The following HBE1 variants were observed in gnomAD, a reference collection of about 807,000 sequenced individuals.
HBE1 encodes the protein hemoglobin subunit epsilon 1.
HBE1 carries 10 observed loss-of-function variants against 12.1 expected under a neutral mutation model. The ratio of observed to expected loss-of-function variants is 0.83; its 90% CI spans 0.51 to 1.40. The LOEUF is 1.40. Ranked by LOEUF, HBE1 falls within the 40% of genes most tolerant of loss-of-function variation. The pLI, the probability that HBE1 is intolerant of heterozygous loss-of-function variation, is 0.00. For synonymous variants in HBE1, 78 were observed against 70.4 expected (o/e 1.11, Z -0.54); for missense variants, 172 against 175.8 (o/e 0.98, Z 0.12).
chr11:5,269,391 A>G (rs1589914995), intron 2 of HBE1, 63 bp downstream of exon 2: 1 of 1,130,116 alleles, frequency 8.8e-7, no homozygotes, highest in African/African-American at 1.5e-5. Context: ...CAATAAGATT[A>G]TGAGCTTCAA....
chr11:5,268,811 A>G (rs1428561424), intron 2 of HBE1, among the ~76,000 whole-genome samples: 3 of 152,060 alleles, frequency 2.0e-5, no homozygotes, highest in African/African-American at 4.8e-5. Flanking sequence ...TCAACATTCT[A>G]CCTACCTACA....
Position 5,268,412 on chromosome 11 carries a change from C to A in HBE1, c.*57G>T, listed in dbSNP as rs1848157007. ...TTTCTCTCAAGGCCAAGCCCAGTCC[C>A]CATGTGCAGAAGGAGGGTGTCAGGG... is the stretch of plus-strand genomic sequence containing the variant. On this transcript the variant is annotated 3_prime_UTR_variant, in exon 3 of 3. Transcript: ENST00000396895. The A allele has an allele frequency of 1.3e-6, 2 of 1,541,304 alleles. No individual in the cohort carries two copies. The highest frequency in any genetic ancestry group is 2.7e-5 in the African/African-American group (2 of 73,436).
chr11:5,269,807 G>A lies in HBE1; in HGVS notation c.84C>T (p.Ala28=). The A allele has an allele frequency of 6.2e-7, 1 of 1,612,412 alleles. No individual in the cohort carries two copies. Among genetic ancestry groups the A allele is most frequent in the South Asian group, 1.1e-5 (1 of 91,048 alleles). Residue 28 remains alanine (A), a synonymous_variant, in exon 1 of 3, where the codon GCC becomes GCT. Transcript: ENST00000396895. The part of the protein sequence containing the change: ...KMNVEEAGGE[A]LGRLLVVYPW... ...TGAGAACCAATGCTTACCTGCCCAA[G>A]GCTTCACCTCCAGCCTCTTCCACAT...
chr11:5,269,692 A>G lies in HBE1; in HGVS notation c.93-16T>C. On this transcript the variant is annotated splice_polypyrimidine_tract_variant and intron_variant, in intron 1 of 2. Transcript: ENST00000396895. ...AACGAGGAGTCTATGAAATGACACC[A>G]TATCAGATACAAAATTAGAGATGCA... 2 of 1,596,030 alleles carry G rather than the reference A, an allele frequency of 1.3e-6. No homozygotes were observed. Among genetic ancestry groups the G allele is most frequent in the Non-Finnish European group, 1.7e-6 (2 of 1,164,064 alleles).
chr11:5,268,355 C>A lies in HBE1; in HGVS notation c.*114G>T. ...AAGATAAAATTGCAATTTTTGATTA[C>A]TGAAGAAAATGTACTTTATTAAACA... is the stretch of plus-strand genomic sequence containing the variant. On this transcript the variant is annotated 3_prime_UTR_variant, in exon 3 of 3. Transcript: ENST00000396895. 1.1e-6 allele frequency: 1 copy of A among 950,964 alleles called. No individual in the cohort carries two copies. The highest frequency in any genetic ancestry group is 1.5e-6 in the Non-Finnish European group (1 of 648,854). The allele number at this position is 950,964 out of a possible 1,614,324, so 58.9% of individuals were successfully genotyped here.
chr11:5,269,315 C>T (rs1564890354), intron 2 of HBE1, 139 bp downstream of exon 2: 2 of 719,552 alleles, frequency 2.8e-6, no homozygotes, highest in Admixed American at 2.0e-5. Context: ...TGGTTATGCT[C>T]ACTAGAAGTC....
Position 5,269,367 on chromosome 11 carries a change from TTTG to T in HBE1, c.315+84_315+86del. The T allele has an allele frequency of 6.1e-6, 6 of 984,502 alleles. No individual in the cohort carries two copies. In the South Asian group the frequency reaches 7.7e-5, roughly 13 times the overall value. The allele number at this position is 984,502 out of a possible 1,614,324, so 61.0% of individuals were successfully genotyped here. ...AGCTCGACCCATGATTTCTGAGATC[TTTG>T]TTGGTCTTTCCAATAAGATTATGAG... On this transcript the variant is annotated intron_variant, in intron 2 of 2. Coordinates refer to ENST00000396895, the MANE Select transcript of HBE1 (RefSeq NM_005330.4).
Position 5,268,501 on chromosome 11 carries a change from C to T in HBE1, c.412G>A (p.Val138Ile). 6.2e-7 allele frequency: 1 copy of T among 1,613,896 alleles called. No individual in the cohort carries two copies. The highest frequency in any genetic ancestry group is 8.5e-7 in the Non-Finnish European group (1 of 1,179,828). ...QAAWQKLVSAVAIALAHKYH is the reference protein window; with the variant it reads ...QAAWQKLVSAIAIALAHKYH ...TACTTATGGGCCAGGGCAATGGCGACAGCAGACACCAGCTTCTGCCAGGCA... is the reference window on the plus strand; with the variant it reads ...TACTTATGGGCCAGGGCAATGGCGATAGCAGACACCAGCTTCTGCCAGGCA... Residue 138 changes from valine (V) to isoleucine (I), a missense_variant, in exon 3 of 3, where the codon GTC becomes ATC. Coordinates refer to ENST00000396895, the MANE Select transcript of HBE1 (RefSeq NM_005330.4).
chr11:5,268,429 G>T lies in HBE1; in HGVS notation c.*40C>A. The T allele has an allele frequency of 6.3e-7, 1 of 1,593,710 alleles. No homozygotes were observed. Among genetic ancestry groups the T allele is most frequent in the East Asian group, 2.2e-5 (1 of 44,540 alleles). ...CCCAGTCCCCATGTGCAGAAGGAGG[G>T]TGTCAGGGTCACAGGAACACCTGCA... On this transcript the variant is annotated 3_prime_UTR_variant, in exon 3 of 3. Coordinates refer to ENST00000396895, the MANE Select transcript of HBE1 (RefSeq NM_005330.4).
chr11:5,269,132 T>G (rs1300441970), intron 2 of HBE1, among the ~76,000 whole-genome samples: 1 of 152,224 alleles, frequency 6.6e-6, no homozygotes, highest in East Asian at 1.9e-4. Flanking sequence ...TTCCTTGAAA[T>G]GGACTTTCAT....
In HBE1 at chr11:5,269,813, A is replaced by G. The variant is rs763595337; in HGVS notation, c.78T>C (p.Gly26=). 3 of 1,613,128 alleles carry G rather than the reference A, an allele frequency of 1.9e-6. No homozygotes were observed. In the African/African-American group the frequency reaches 4.0e-5, roughly 22 times the overall value. Residue 26 remains glycine, a synonymous_variant, in exon 1 of 3, where the codon GGT becomes GGC. Coordinates refer to ENST00000396895, the MANE Select transcript of HBE1 (RefSeq NM_005330.4). The stretch of plus-strand genomic sequence containing the variant: ...CCAATGCTTACCTGCCCAAGGCTTC[A>G]CCTCCAGCCTCTTCCACATTCATCT... ...WSKMNVEEAG[G]EALGRLLVVY... is the part of the protein sequence containing the mutation.
In HBE1 at chr11:5,269,573, T is replaced by A. The variant is rs1848169318; in HGVS notation, c.196A>T (p.Lys66Ter). The A allele has an allele frequency of 2.5e-6, 4 of 1,613,966 alleles. No individual in the cohort carries two copies. The highest frequency in any genetic ancestry group is 3.4e-6 in the Non-Finnish European group (4 of 1,179,858). ...LGNPKVKAHGKKVLTSFGDAI... is the reference protein window; with the variant it reads ...LGNPKVKAHG Reference sequence around the variant, plus strand: ...TCTCCAAAGGAAGTCAGCACCTTCTTGCCATGGGCCTTGACCTTGGGGTTG... The same window carrying A: ...TCTCCAAAGGAAGTCAGCACCTTCTAGCCATGGGCCTTGACCTTGGGGTTG... The change falls in exon 2 of 3, where the codon AAG becomes TAG. Residue 66 changes from lysine (K) to a stop codon, truncating the protein, a stop_gained. Transcript: ENST00000396895. LOFTEE classifies it high-confidence loss of function.
chr11:5,269,702 C>T (rs778836604), intron 1 of HBE1, 26 bp from the exon 2 acceptor site: 33 of 1,590,846 alleles, frequency 2.1e-5, no homozygotes, highest in Non-Finnish European at 2.8e-5. Context: ...ATATCAGATA[C>T]AAAATTAGAG....
chr11:5,269,382 A>C (rs1589914992), intron 2 of HBE1, 72 bp downstream of exon 2: 2 of 1,091,370 alleles, frequency 1.8e-6, no homozygotes, highest in Non-Finnish European at 2.8e-6. Flanking sequence ...TGGTCTTTCC[A>C]ATAAGATTAT....
chr11:5,268,649 G>GA (rs1848159877), intron 2 of HBE1, 52 bp from the exon 3 acceptor site: 6 of 1,482,700 alleles, frequency 4.0e-6, no homozygotes, highest in Non-Finnish European at 4.6e-6. Context: ...AGAAGTTTCC[G>GA]AAAACAACTT....
At position 5,269,350 on chromosome 11, in the gene HBE1, C is replaced by T. The variant is rs182747181; in HGVS notation, c.315+104G>A. ...CTGCTGTTCTAACATCAAGCTCGAC[C>T]CATGATTTCTGAGATCTTTGTTGGT... On this transcript the variant is annotated intron_variant, in intron 2 of 2. Transcript: ENST00000396895. 3.4e-6 allele frequency: 3 copies of T among 893,332 alleles called. No homozygotes were observed. In the African/African-American group the frequency reaches 4.9e-5, roughly 15 times the overall value. The allele number at this position is 893,332 out of a possible 1,614,324, so 55.3% of individuals were successfully genotyped here. A position where few individuals can be genotyped will look rare whatever the true frequency, so the allele number is the denominator to read the frequency against.
chr11:5,268,605 G>A lies in HBE1; in HGVS notation c.316-8C>T, dbSNP rs745404289. ...CATCACGTTACCCAGGAGCTGTTAGGCAAAAGACAAAATAACACACAGGCA... is the reference window on the plus strand; with the variant it reads ...CATCACGTTACCCAGGAGCTGTTAGACAAAAGACAAAATAACACACAGGCA... On this transcript the variant is annotated splice_polypyrimidine_tract_variant and splice_region_variant and intron_variant, in intron 2 of 2. Transcript: ENST00000396895. 2 of 1,605,850 alleles carry A rather than the reference G, an allele frequency of 1.2e-6. No individual in the cohort carries two copies. The highest frequency in any genetic ancestry group is 8.5e-7 in the Non-Finnish European group (1 of 1,175,414).
intron 2 of HBE1, 31 bp from the exon 3 acceptor site, chr11:5,268,628 G>T: frequency 6.2e-7 from 1 of 1,601,760 alleles, no homozygotes; most frequent in Non-Finnish European, 8.5e-7. Flanking sequence ...TAACACACAG[G>T]CATGTTGAGT....
chr11:5,269,002 A>C (rs1468723489), intron 2 of HBE1, among the ~76,000 whole-genome samples: 1 of 152,170 alleles, frequency 6.6e-6, no homozygotes, highest in Non-Finnish European at 1.5e-5. Context: ...ACTGATGGGA[A>C]ATTTAACATA....
Sources: gnomAD v4.1 joint callset for allele counts (sites outside exome capture counted in the v4.1 genomes callset) on GRCh38, gnomAD v4.1.1 for gene constraint, MANE v1.5 for transcripts, NCBI Gene and HGNC (gene_info 2026-07-23, HGNC 2026-07-21) for gene names.